Variants in DGKH observed in about 807,000 individuals in gnomAD.
The protein encoded by DGKH is diacylglycerol kinase eta, also known as DAG kinase eta.
A neutral mutation model predicts 159.3 loss-of-function variants in DGKH; 90 were observed. The observed-to-expected ratio is 0.57, with a 90% CI of 0.48 to 0.67. The LOEUF is 0.67. Ranked by LOEUF, DGKH falls within the 30% of genes least tolerant of loss-of-function variation. The pLI, the probability that DGKH is intolerant of heterozygous loss-of-function variation, is 0.00. For missense variants in DGKH, 1,181 were observed against 1,506.1 expected, an observed-to-expected ratio of 0.78 and a Z score of 3.57; for synonymous variants, 536 against 553.8, an observed-to-expected ratio of 0.97 and a Z score of 0.45.
intron 1 of DGKH, among the ~76,000 whole-genome samples, chr13:42,088,871 C>A (rs1163896613): frequency 6.6e-6 from 1 of 152,106 alleles, no homozygotes; most frequent in African/African-American, 2.4e-5. Flanking sequence ...CTACAAGAAT[C>A]TCACTTTAAA....
At chr13:42,225,265 C>T (rs748470164) in intron 29 of DGKH, 4 of 1,583,346 alleles carry the variant, frequency 2.5e-6, no homozygotes, top group African/African-American at 2.7e-5. Context: ...AGGAAACAAA[C>T]TGATTGCATC....
chr13:42,130,468 A>C (rs925057072), intron 3 of DGKH, among the ~76,000 whole-genome samples: 5 of 152,212 alleles, frequency 3.3e-5, no homozygotes, highest in Non-Finnish European at 5.9e-5. Flanking sequence ...ATTTCCCTCA[A>C]GATATTCCTG....
intron 3 of DGKH, among the ~76,000 whole-genome samples, chr13:42,151,133 A>T (rs1345491924): frequency 1.3e-5 from 2 of 152,120 alleles, no homozygotes; most frequent in Admixed American, 1.3e-4. Context: ...TATTTTATTC[A>T]TTTTTAAAAA....
chr13:42,194,779 TCTA>T (rs1957162356), intron 16 of DGKH, 103 bp from the exon 17 acceptor site: 1 of 1,303,146 alleles, frequency 7.7e-7, no homozygotes, highest in Non-Finnish European at 1.0e-6. Flanking sequence ...TATTTTCATT[TCTA>T]CTGATTGATT....
At chr13:42,052,560 C>G (rs879944920) in intron 1 of DGKH, among the ~76,000 whole-genome samples, 9 of 152,206 alleles carry the variant, frequency 5.9e-5, no homozygotes, top group Admixed American at 2.6e-4. Context: ...TCTTTACCTT[C>G]TTGAGTTTTT....
At chr13:42,154,409 T>C (rs1458015725) in intron 3 of DGKH, among the ~76,000 whole-genome samples, 2 of 152,220 alleles carry the variant, frequency 1.3e-5, no homozygotes, top group African/African-American at 4.8e-5. Flanking sequence ...CACAAATAAA[T>C]AGGGGCTTCT....
intron 1 of DGKH, 49 bp from the exon 2 acceptor site, chr13:42,127,414 G>A: frequency 1.5e-6 from 2 of 1,374,852 alleles, no homozygotes; most frequent in Non-Finnish European, 1.0e-6. Context: ...ATTTCATTTG[G>A]TTTTGAATTT....
chr13:42,096,991 T>A (rs1954552292), intron 1 of DGKH, among the ~76,000 whole-genome samples: 1 of 152,208 alleles, frequency 6.6e-6, no homozygotes, highest in Admixed American at 6.5e-5. Context: ...ATTGAAGGCA[T>A]TGTTCCACTG....
chr13:42,212,736 G>A (rs1957688181), intron 24 of DGKH, among the ~76,000 whole-genome samples: 1 of 152,156 alleles, frequency 6.6e-6, no homozygotes, highest in Admixed American at 6.5e-5. Flanking sequence ...GATACAAGAT[G>A]ATTATTTGAC....
downstream of DGKH, among the ~76,000 whole-genome samples, chr13:42,244,106 G>A (rs1958556986): frequency 6.6e-6 from 1 of 152,194 alleles, no homozygotes; most frequent in African/African-American, 2.4e-5. Flanking sequence ...GAAGAGGGAA[G>A]CATGAAATTC....
At chr13:42,094,376 T>TGTCAAAC (rs1315992269) in intron 1 of DGKH, among the ~76,000 whole-genome samples, 1 of 152,254 alleles carries the variant, frequency 6.6e-6, no homozygotes, top group Non-Finnish European at 1.5e-5. Context: ...CTCAAACTTG[T>TGTCAAAC]TAGTACAGTT....
chr13:42,224,728 T>G (rs1958075190), intron 29 of DGKH, among the ~76,000 whole-genome samples: 1 of 152,120 alleles, frequency 6.6e-6, no homozygotes, highest in African/African-American at 2.4e-5. Context: ...TTCAGTTGCT[T>G]AAAAATTCTA....
At chr13:42,161,858 A>T (rs919524892) in intron 7 of DGKH, among the ~76,000 whole-genome samples, 1 of 152,042 alleles carries the variant, frequency 6.6e-6, no homozygotes, top group Admixed American at 6.6e-5. Context: ...TTTTATGTAA[A>T]TTTTTTTCCC....
intron 1 of DGKH, among the ~76,000 whole-genome samples, chr13:42,090,217 T>TAAA (rs1392861075): frequency 6.6e-6 from 1 of 152,244 alleles, no homozygotes; most frequent in East Asian, 1.9e-4. Flanking sequence ...GAATAAATTT[T>TAAA]AAAAAACTGT....
intron 1 of DGKH, among the ~76,000 whole-genome samples, chr13:42,105,718 T>C (rs1283737204): frequency 1.3e-5 from 2 of 152,216 alleles, no homozygotes; most frequent in Non-Finnish European, 2.9e-5. Flanking sequence ...TATAAGTAGA[T>C]AAGGAGATTA....
At chr13:42,143,313 G>A (rs1380303003) in intron 3 of DGKH, among the ~76,000 whole-genome samples, 1 of 152,026 alleles carries the variant, frequency 6.6e-6, no homozygotes, top group Non-Finnish European at 1.5e-5. Flanking sequence ...TATTTTATTG[G>A]GGATTTTTGC....
rs543007640 is a variant in DGKH at position 42,102,106 on chromosome 13, G to GA, written c.193-25355dup. On this transcript the variant is annotated intron_variant, in intron 1 of 29. Coordinates refer to ENST00000337343, the MANE Select transcript of DGKH (RefSeq NM_178009.5). ...ATCAAGGCCGGGGCTGGGAAGGCAG[G>GA]AAGGAAAGGGATGATTCCGTCTCAC... Among the ~76,000 whole-genome samples, 185 of 152,372 alleles carry GA rather than the reference G, an allele frequency of 1.2e-3. 1 individual carries two copies. The highest frequency in any genetic ancestry group is 4.3e-3 in the African/African-American group (179 of 41,586).
At chr13:42,056,554 T>TA (rs1217523142) in intron 1 of DGKH, among the ~76,000 whole-genome samples, 4 of 152,240 alleles carry the variant, frequency 2.6e-5, no homozygotes, top group Non-Finnish European at 5.9e-5. Context: ...TGTGTACAGT[T>TA]ACCTAAATTT....
chr13:42,155,925 C>A, intron 5 of DGKH, 126 bp downstream of exon 5: 4 of 1,102,974 alleles, frequency 3.6e-6, no homozygotes, highest in Middle Eastern at 2.9e-4. Context: ...AATATTTTTG[C>A]TCAGGAAAAA....
Sources: gnomAD v4.1 joint callset for allele counts (sites outside exome capture counted in the v4.1 genomes callset) on GRCh38, gnomAD v4.1.1 for gene constraint, MANE v1.5 for transcripts, NCBI Gene and HGNC (gene_info 2026-07-23, HGNC 2026-07-21) for gene names.